COLQ: variants seen among roughly 807,000 people sequenced by gnomAD.
COLQ encodes the protein collagen like tail subunit of asymmetric acetylcholinesterase.
A neutral mutation model predicts 69.0 loss-of-function variants in COLQ; 48 were observed. That is an observed-to-expected ratio of 0.70 (90% CI 0.55 to 0.88). The LOEUF is 0.88. COLQ is among the 40% of genes least tolerant of loss of function. COLQ has a pLI of 0.00. For synonymous variants in COLQ, 217 were observed against 211.2 expected, an observed-to-expected ratio of 1.03 and a Z score of -0.24; for missense variants, 618 against 594.6, an observed-to-expected ratio of 1.04 and a Z score of -0.41.
At chr3:15,479,173 T>TC in intron 4 of COLQ, among the ~76,000 whole-genome samples, 165 bp downstream of exon 4, 1 of 152,104 alleles carries the variant, frequency 6.6e-6, no homozygotes, top group Non-Finnish European at 1.5e-5. Flanking sequence ...ACCAGTGGTA[T>TC]CCCATATGTG....
At chr3:15,462,017 A>ATTTGTTTG (rs10641494) in intron 12 of COLQ, among the ~76,000 whole-genome samples, 33 of 144,946 alleles carry the variant, frequency 2.3e-4, no homozygotes, top group African/African-American at 5.6e-4. Context: ...TTATTTATTT[A>ATTTGTTTG]TTTATTTATT....
In COLQ at chr3:15,466,346, G is replaced by A; in HGVS notation, c.809C>T (p.Pro270Leu). ...TGAAGCAGTGTAGCTCTTACCTGCA[G>A]GTGGGGGGCCTGGGGGCCCCGGACG... ...PGRPGPPGPPPAGQLIMGPKG... is the reference protein window; with the variant it reads ...PGRPGPPGPPLAGQLIMGPKG... The change falls in exon 12 of 17, where the codon CCT becomes CTT. Residue 270 changes from proline (P) to leucine (L), a missense_variant. Transcript: ENST00000383788. 6.2e-7 allele frequency: 1 copy of A among 1,613,124 alleles called. No individual in the cohort carries two copies. Among genetic ancestry groups the A allele is most frequent in the Non-Finnish European group, 8.5e-7 (1 of 1,179,118 alleles).
chr3:15,465,231 T>TATTTATTTA (rs1490472718), intron 12 of COLQ, among the ~76,000 whole-genome samples: 1 of 106,986 alleles, frequency 9.3e-6, no homozygotes, highest in African/African-American at 3.7e-5. Flanking sequence ...AGACTTTATA[T>TATTTATTTA]TTTGATTTAT....
chr3:15,505,023 G>T (rs895466891), intron 1 of COLQ, among the ~76,000 whole-genome samples: 5 of 152,200 alleles, frequency 3.3e-5, no homozygotes, highest in African/African-American at 1.2e-4. Flanking sequence ...CTGAATGTTT[G>T]AAATTATTCC....
chr3:15,470,729 T>G (rs990790049), intron 10 of COLQ, 113 bp from the exon 11 acceptor site: 63 of 1,009,686 alleles, frequency 6.2e-5, no homozygotes, highest in Non-Finnish European at 9.6e-5. Context: ...TCATTCCGAA[T>G]CTATGCCAAC....
At chr3:15,479,416 A>C (rs113788790) in intron 3 of COLQ, 34 bp from the exon 4 acceptor site, 1 of 1,609,764 alleles carries the variant, frequency 6.2e-7, no homozygotes, top group Non-Finnish European at 8.5e-7. Context: ...AAGAAAGTAT[A>C]TATCAGTCTG....
Position 15,451,331 on chromosome 3 carries a change from C to A in COLQ, c.*313G>T. Reference sequence around the variant, plus strand: ...GTCTAACAGTGCTCAGCCAAGTCCACGGCCTGGGTCAGCAACATTCCAGAA... The same window carrying A: ...GTCTAACAGTGCTCAGCCAAGTCCAAGGCCTGGGTCAGCAACATTCCAGAA... On this transcript the variant is annotated 3_prime_UTR_variant, in exon 17 of 17. Coordinates refer to ENST00000383788, the MANE Select transcript of COLQ (RefSeq NM_005677.4). 1 of 509,254 alleles carries A rather than the reference C, an allele frequency of 2.0e-6. No homozygotes were observed. Among genetic ancestry groups the A allele is most frequent in the East Asian group, 3.8e-5 (1 of 26,630 alleles). 31.5% of individuals were successfully genotyped at this position (509,254 alleles called of 1,614,324 possible).
chr3:15,501,357 C>A (rs889882808), intron 1 of COLQ, among the ~76,000 whole-genome samples: 1 of 152,210 alleles, frequency 6.6e-6, no homozygotes, highest in African/African-American at 2.4e-5. Flanking sequence ...GTAGATTCTG[C>A]TTTGCATGCT....
chr3:15,483,299 G>A (rs935771602), intron 3 of COLQ, among the ~76,000 whole-genome samples: 7 of 152,060 alleles, frequency 4.6e-5, no homozygotes, highest in Non-Finnish European at 1.0e-4. Flanking sequence ...TTTTAATTGT[G>A]ATGTTAGGGT....
chr3:15,489,083 G>T (rs1343259558), intron 2 of COLQ, among the ~76,000 whole-genome samples: 5 of 152,194 alleles, frequency 3.3e-5, no homozygotes, highest in Non-Finnish European at 5.9e-5. Context: ...CCTCAGTGTG[G>T]CTACGGGAGA....
At chr3:15,469,828 A>G (rs1194214078) in intron 11 of COLQ, among the ~76,000 whole-genome samples, 1 of 152,056 alleles carries the variant, frequency 6.6e-6, no homozygotes, top group Non-Finnish European at 1.5e-5. Context: ...CACCGGCCCC[A>G]CCCCCAGGTG....
intron 13 of COLQ, 136 bp downstream of exon 13, chr3:15,458,050 A>C: frequency 1.1e-6 from 1 of 904,324 alleles, no homozygotes; most frequent in Non-Finnish European, 1.8e-6. Context: ...CATATTTTCC[A>C]ATTTCCTATA....
At chr3:15,513,389 A>C (rs1318756961) in intron 1 of COLQ, among the ~76,000 whole-genome samples, 1 of 152,124 alleles carries the variant, frequency 6.6e-6, no homozygotes, top group Non-Finnish European at 1.5e-5. Flanking sequence ...TCAGCTTCCC[A>C]CTACAGAGTC....
intron 11 of COLQ, among the ~76,000 whole-genome samples, chr3:15,466,853 G>A (rs1263693026): frequency 6.6e-6 from 1 of 152,166 alleles, no homozygotes; most frequent in Non-Finnish European, 1.5e-5. Flanking sequence ...CAGCCTTTTG[G>A]CCTTTTTGGT....
intron 11 of COLQ, among the ~76,000 whole-genome samples, chr3:15,469,577 AATTG>A (rs2062249589): frequency 1.3e-5 from 2 of 152,248 alleles, no homozygotes; most frequent in African/African-American, 4.8e-5. Context: ...GTTCTTTCTA[AATTG>A]ATTGGGAAAA....
intron 3 of COLQ, among the ~76,000 whole-genome samples, chr3:15,484,139 G>C (rs1199243382): frequency 1.3e-5 from 2 of 152,142 alleles, no homozygotes; most frequent in East Asian, 3.8e-4. Flanking sequence ...CCTGAATACA[G>C]CACACTGATG....
At chr3:15,468,352 A>G (rs1318109633) in intron 11 of COLQ, among the ~76,000 whole-genome samples, 25 of 102,378 alleles carry the variant, frequency 2.4e-4, no homozygotes, top group African/African-American at 8.7e-4. Flanking sequence ...TTTTTTTGAG[A>G]GACGGAGTCT....
At chr3:15,464,713 T>C (rs1291188366) in intron 12 of COLQ, among the ~76,000 whole-genome samples, 2 of 152,180 alleles carry the variant, frequency 1.3e-5, no homozygotes, top group Non-Finnish European at 2.9e-5. Flanking sequence ...AAAGTTGGAA[T>C]AAAAATTGTT....
At chr3:15,490,816 T>C (rs1013019323) in intron 1 of COLQ, among the ~76,000 whole-genome samples, 3 of 152,264 alleles carry the variant, frequency 2.0e-5, no homozygotes, top group African/African-American at 7.2e-5. Context: ...GGAAAATTGC[T>C]TGTTATCTTC....
Sources: allele counts gnomAD v4.1 joint callset (sites outside exome capture counted in the v4.1 genomes callset), GRCh38; gene constraint gnomAD v4.1.1; transcripts MANE v1.5; gene names NCBI Gene and HGNC (gene_info 2026-07-23, HGNC 2026-07-21).